CCDC91: variants seen among roughly 807,000 people sequenced by gnomAD.
CCDC91 encodes the protein coiled-coil domain-containing protein 91.
In CCDC91, 48 loss-of-function variants were observed where a neutral mutation model predicts 63.2. That is an observed-to-expected ratio of 0.76 (90% CI 0.60 to 0.97). The LOEUF is 0.97. CCDC91 is among the 50% of genes least tolerant of loss of function. CCDC91 has a pLI of 0.00. For synonymous variants in CCDC91, 167 were observed against 165.8 expected (o/e 1.01, Z -0.06); for missense variants, 500 against 494.6 (o/e 1.01, Z -0.10).
intron 7 of CCDC91, among the ~76,000 whole-genome samples, chr12:28,390,485 AC>A (rs1321954045): frequency 6.6e-6 from 1 of 152,144 alleles, no homozygotes; most frequent in Non-Finnish European, 1.5e-5. Flanking sequence ...TGTTGATATA[AC>A]ATACAAAGCT....
chr12:28,242,532 A>G (rs1445862608), intron 1 of CCDC91, among the ~76,000 whole-genome samples: 1 of 152,090 alleles, frequency 6.6e-6, no homozygotes, highest in Non-Finnish European at 1.5e-5. Flanking sequence ...CCAGATGGGA[A>G]AGGGGAAGCC....
rs1946974236 is a variant in CCDC91 at position 28,406,741 on chromosome 12, AGTTTTAATTCAT to A, written c.762+15331_762+15342del. Among the ~76,000 whole-genome samples, 3 of 145,310 alleles carry A rather than the reference AGTTTTAATTCAT, an allele frequency of 2.1e-5. No individual in the cohort carries two copies. The South Asian group carries it at 6.5e-4, about 31-fold the overall frequency. On this transcript the variant is annotated intron_variant, in intron 8 of 12. Transcript: ENST00000536442. ...TTCCTATGTTCTATTAAAGTTTTAT[AGTTTTAATTCAT>A]AGTTTATGAATCATTCATTTTGAGT...
intron 6 of CCDC91, among the ~76,000 whole-genome samples, chr12:28,334,808 C>G (rs1457577295): frequency 2.0e-5 from 3 of 151,954 alleles, no homozygotes; most frequent in Non-Finnish European, 1.5e-5. Flanking sequence ...GGGCACCAAA[C>G]CAACCAAACA....
chr12:28,338,970 A>G (rs1315669666), intron 6 of CCDC91, among the ~76,000 whole-genome samples: 1 of 151,948 alleles, frequency 6.6e-6, no homozygotes, highest in African/African-American at 2.4e-5. Flanking sequence ...CCTCCCAAGT[A>G]GCTGGAATTA....
At chr12:28,358,054 T>A (rs1343578922) in intron 6 of CCDC91, among the ~76,000 whole-genome samples, 1 of 152,192 alleles carries the variant, frequency 6.6e-6, no homozygotes, top group East Asian at 1.9e-4. Context: ...AACTTTGAAG[T>A]AAGCAAAGGA....
In CCDC91 at chr12:28,521,359, T is replaced by G. The variant is rs1940639466; in HGVS notation, c.1216-27704T>G. 8.5e-5 allele frequency among the ~76,000 whole-genome samples: 13 copies of G among 152,266 alleles called. No homozygotes were observed. The South Asian group carries it at 2.5e-3, about 29-fold the overall frequency. ...ATTGTGAATGGGAGTTCACTCATGA[T>G]TTGGCTCTCTGTTTGTCTGTTATTG... On this transcript the variant is annotated intron_variant, in intron 12 of 12. Coordinates refer to ENST00000536442, the MANE Select transcript of CCDC91 (RefSeq NM_018318.5).
chr12:28,447,513 G>A (rs1172738647), intron 8 of CCDC91, among the ~76,000 whole-genome samples: 3 of 150,962 alleles, frequency 2.0e-5, no homozygotes, highest in Admixed American at 6.6e-5. Flanking sequence ...ATAGCCTCTT[G>A]TGAATTATTT....
At chr12:28,255,664 T>C (rs938427564) in intron 1 of CCDC91, 3 of 152,184 alleles carry the variant, frequency 2.0e-5, no homozygotes, top group African/African-American at 7.2e-5. Context: ...GCTAAAATTG[T>C]GAGTAATGGT....
intron 8 of CCDC91, among the ~76,000 whole-genome samples, chr12:28,426,983 G>T (rs956899143): frequency 6.6e-6 from 1 of 152,070 alleles, no homozygotes; most frequent in South Asian, 2.1e-4. Flanking sequence ...GTTGCCAGAG[G>T]GTTCAAGTTC....
chr12:28,191,010 G>T (rs1421895357), intron 1 of CCDC91, among the ~76,000 whole-genome samples: 1 of 152,232 alleles, frequency 6.6e-6, no homozygotes, highest in Non-Finnish European at 1.5e-5. Context: ...CACAGAACGC[G>T]CCTGGTTTAT....
intron 1 of CCDC91, among the ~76,000 whole-genome samples, chr12:28,196,746 G>T (rs1217353080): frequency 6.6e-6 from 1 of 152,160 alleles, no homozygotes; most frequent in Non-Finnish European, 1.5e-5. Context: ...TATAAAAAAA[G>T]TTACCCTATT....
chr12:28,426,282 T>C (rs1362882697), intron 8 of CCDC91, among the ~76,000 whole-genome samples: 2 of 152,310 alleles, frequency 1.3e-5, no homozygotes, highest in East Asian at 3.9e-4. Flanking sequence ...ACATATACTT[T>C]AGGTGTACAT....
intron 6 of CCDC91, among the ~76,000 whole-genome samples, chr12:28,333,932 C>T (rs551680477): frequency 3.6e-4 from 55 of 151,960 alleles, no homozygotes; most frequent in African/African-American, 1.3e-3. Context: ...GAGTTATTAC[C>T]TTTTAAAAAA....
intron 3 of CCDC91, among the ~76,000 whole-genome samples, chr12:28,292,057 C>T (rs1481929805): frequency 6.6e-6 from 1 of 152,132 alleles, no homozygotes; most frequent in Non-Finnish European, 1.5e-5. Flanking sequence ...CTTTATCACC[C>T]GTTTTGAACT....
chr12:28,409,638 G>T (rs1469136734), intron 8 of CCDC91, among the ~76,000 whole-genome samples: 2 of 152,006 alleles, frequency 1.3e-5, no homozygotes, highest in East Asian at 3.9e-4. Context: ...AGGGGCTTAG[G>T]TCTTGCATTG....
intron 12 of CCDC91, among the ~76,000 whole-genome samples, chr12:28,537,862 C>T (rs1453592895): frequency 1.3e-5 from 2 of 152,076 alleles, no homozygotes; most frequent in East Asian, 1.9e-4. Flanking sequence ...ATAACTGCCA[C>T]TCTCATTTCT....
chr12:28,536,470 G>A (rs1401337840), intron 12 of CCDC91, among the ~76,000 whole-genome samples: 1 of 152,126 alleles, frequency 6.6e-6, no homozygotes, highest in Non-Finnish European at 1.5e-5. Context: ...TCATCATAGA[G>A]AAATATAGTA....
intron 1 of CCDC91, among the ~76,000 whole-genome samples, chr12:28,213,640 A>C (rs1345905176): frequency 6.6e-6 from 1 of 152,218 alleles, no homozygotes; most frequent in Non-Finnish European, 1.5e-5. Flanking sequence ...CTTTCCCTGC[A>C]TGCATTGCTT....
intron 12 of CCDC91, among the ~76,000 whole-genome samples, chr12:28,540,483 T>C (rs1300693417): frequency 1.3e-5 from 2 of 152,236 alleles, no homozygotes; most frequent in East Asian, 1.9e-4. Flanking sequence ...AAAACAGATA[T>C]TGTGCCAAGG....
Sources: allele counts gnomAD v4.1 joint callset (sites outside exome capture counted in the v4.1 genomes callset), GRCh38; gene constraint gnomAD v4.1.1; transcripts MANE v1.5; gene names NCBI Gene and HGNC (gene_info 2026-07-23, HGNC 2026-07-21).